Variants in TOGARAM2 observed in about 807,000 individuals in gnomAD.
The protein encoded by TOGARAM2 is TOG array regulator of axonemal microtubules 2, also known as TOG array regulator of axonemal microtubules protein 2.
A neutral mutation model predicts 93.3 loss-of-function variants in TOGARAM2; 85 were observed. The ratio of observed to expected loss-of-function variants is 0.91; its 90% CI spans 0.76 to 1.09. TOGARAM2 has a LOEUF of 1.09. TOGARAM2 is among the 50% of genes least tolerant of loss of function. The probability of loss-of-function intolerance (pLI) is 0.00; values close to 1 mark genes in which losing one functional copy is unlikely to be tolerated. For missense variants in TOGARAM2, 1,277 were observed against 1,334.5 expected (o/e 0.96, Z 0.67); for synonymous variants, 593 against 552.8 (o/e 1.07, Z -1.02).
At chr2:28,967,559 T>C (rs148549990) in intron 1 of TOGARAM2, among the ~76,000 whole-genome samples, 82 of 152,276 alleles carry the variant, frequency 5.4e-4, no homozygotes, top group African/African-American at 1.9e-3. Context: ...GGAACTCTTA[T>C]CATGAAATGT....
chr2:29,005,400 A>AGT (rs933990438), intron 6 of TOGARAM2, among the ~76,000 whole-genome samples: 6 of 54,438 alleles, frequency 1.1e-4, no homozygotes, highest in Admixed American at 6.5e-4. Flanking sequence ...ATGTATGTGG[A>AGT]GTGTGTGTGT....
intron 1 of TOGARAM2, among the ~76,000 whole-genome samples, chr2:28,974,077 C>T (rs1442715495): frequency 6.6e-6 from 1 of 150,742 alleles, no homozygotes; most frequent in Non-Finnish European, 1.5e-5. Context: ...TAGCTGCTTT[C>T]AAGACTTTCT....
intron 18 of TOGARAM2, among the ~76,000 whole-genome samples, chr2:29,041,872 G>C (rs922177728): frequency 3.9e-5 from 6 of 152,186 alleles, no homozygotes; most frequent in African/African-American, 1.4e-4. Context: ...TGGGCTCTCA[G>C]AGTTTTAAGG....
intron 8 of TOGARAM2, among the ~76,000 whole-genome samples, chr2:29,016,690 G>A (rs1664592214): frequency 6.6e-6 from 1 of 152,082 alleles, no homozygotes; most frequent in African/African-American, 2.4e-5. Context: ...CCTGCCCCCT[G>A]CCTGATCTTG....
intron 19 of TOGARAM2, chr2:29,046,314 C>T (rs1402085053): frequency 6.6e-6 from 1 of 152,298 alleles, no homozygotes; most frequent in African/African-American, 2.4e-5. Flanking sequence ...TCCACACACC[C>T]ATCTGCCACC....
At chr2:28,976,904 CA>C (rs777782858), upstream of TOGARAM2, among the ~76,000 whole-genome samples, 35 of 152,376 alleles carry the variant, frequency 2.3e-4, no homozygotes, top group Non-Finnish European at 3.5e-4. Context: ...TCAGGCTCTC[CA>C]GGCTGGGGCT....
At chr2:29,045,711 C>T (rs1200152568) in intron 19 of TOGARAM2, 6 of 386,956 alleles carry the variant, frequency 1.6e-5, no homozygotes, top group East Asian at 5.8e-5. Context: ...ACTTTTTGAG[C>T]GCTGACATGA....
chr2:29,004,636 GTA>G (rs60197259), intron 6 of TOGARAM2, among the ~76,000 whole-genome samples: 46,093 of 120,524 alleles, frequency 0.38, 7,218 homozygotes, highest in Middle Eastern at 0.45. Context: ...ATGTGTGAGT[GTA>G]TGTGTATGAG....
chr2:29,031,486 C>T (rs544721272), intron 14 of TOGARAM2, among the ~76,000 whole-genome samples: 1 of 152,254 alleles, frequency 6.6e-6, no homozygotes, highest in Admixed American at 6.5e-5. Context: ...TTTTTGGATG[C>T]TCTCTGGAGA....
chr2:28,970,203 A>G (rs1671928696), intron 1 of TOGARAM2, among the ~76,000 whole-genome samples: 1 of 152,182 alleles, frequency 6.6e-6, no homozygotes. Context: ...AATGGGTTTC[A>G]GAGAAGTTTA....
chr2:28,977,242 A>G (rs909366335), upstream of TOGARAM2, among the ~76,000 whole-genome samples: 5 of 152,180 alleles, frequency 3.3e-5, no homozygotes, highest in African/African-American at 7.2e-5. Flanking sequence ...ACTTGCCTGG[A>G]ACCCTTGGCC....
chr2:28,959,593 A>G (rs1259926353), intron 1 of TOGARAM2, among the ~76,000 whole-genome samples: 3 of 152,114 alleles, frequency 2.0e-5, no homozygotes, highest in Non-Finnish European at 4.4e-5. Context: ...CTCTACTAAA[A>G]ATACAAAAAA....
At chr2:28,971,928 C>A (rs1671950865) in intron 1 of TOGARAM2, among the ~76,000 whole-genome samples, 1 of 152,110 alleles carries the variant, frequency 6.6e-6, no homozygotes, top group African/African-American at 2.4e-5. Flanking sequence ...AAACTCTGAT[C>A]TTAAGAGATA....
chr2:28,989,362 T>C lies in TOGARAM2; in HGVS notation c.-110-5363T>C, dbSNP rs143247755. On this transcript the variant is annotated intron_variant, in intron 1 of 19. Transcript: ENST00000379558. ...CGCCATACCGGGCCCGCTTTTCATA[T>C]TTTATTGAATGCAATATTGAAGTGA... Among the ~76,000 whole-genome samples the C allele has an allele frequency of 1.6e-4, 24 of 151,564 alleles. No homozygotes were observed. The East Asian group carries it at 4.3e-3, about 27-fold the overall frequency.
chr2:29,031,851 G>C (rs150356034), intron 14 of TOGARAM2, among the ~76,000 whole-genome samples: 366 of 152,262 alleles, frequency 2.4e-3, no homozygotes, highest in African/African-American at 7.8e-3. Flanking sequence ...AATAAAGTAA[G>C]GGCACCTTTT....
At chr2:29,033,200 T>G (rs1051180830) in intron 15 of TOGARAM2, 149 bp downstream of exon 15, 15 of 726,176 alleles carry the variant, frequency 2.1e-5, no homozygotes, top group Non-Finnish European at 3.5e-5. Flanking sequence ...GAGATAGATG[T>G]GATTTCTGTC....
intron 19 of TOGARAM2, chr2:29,050,477 C>T (rs1213777770): frequency 1.3e-5 from 2 of 152,030 alleles, no homozygotes; most frequent in Non-Finnish European, 2.9e-5. Flanking sequence ...GCAGATTAGG[C>T]CTTTGTCCTC....
rs1398004657 is a variant in TOGARAM2 at position 29,026,871 on chromosome 2, C to T, written c.1872C>T (p.Ile624=). Residue 624 remains isoleucine, a synonymous_variant, in exon 14 of 20, where the codon ATC becomes ATT. Transcript: ENST00000379558. ...SAGVYHRNPL[I]RKYAAEHLSA... ...CTTTCAGCCACCGGAACCCCTTGATCCGGAAATACGCGGCTGAGCACCTCT... is the reference window on the plus strand; with the variant it reads ...CTTTCAGCCACCGGAACCCCTTGATTCGGAAATACGCGGCTGAGCACCTCT... 1.3e-6 allele frequency: 2 copies of T among 1,592,098 alleles called. No individual in the cohort carries two copies. The highest frequency in any genetic ancestry group is 2.3e-5 in the East Asian group (1 of 43,812).
At chr2:29,027,050 C>T in intron 14 of TOGARAM2, 39 bp downstream of exon 14, 1 of 1,515,262 alleles carries the variant, frequency 6.6e-7, no homozygotes, top group Non-Finnish European at 8.9e-7. Context: ...GAGAAGGCAA[C>T]CAACCAGCCA....
Sources: gnomAD v4.1 joint callset for allele counts (sites outside exome capture counted in the v4.1 genomes callset) on GRCh38, gnomAD v4.1.1 for gene constraint, MANE v1.5 for transcripts, NCBI Gene and HGNC (gene_info 2026-07-23, HGNC 2026-07-21) for gene names.